Variants in ZBTB7C observed in about 807,000 individuals in gnomAD.
The protein encoded by ZBTB7C is zinc finger and BTB domain-containing protein 7C.
A neutral mutation model predicts 25.7 loss-of-function variants in ZBTB7C; 8 were observed. That is an observed-to-expected ratio of 0.31 (90% CI 0.18 to 0.56). The LOEUF is 0.56. ZBTB7C is among the 20% of genes least tolerant of loss of function. The probability of loss-of-function intolerance (pLI) is 0.91; values close to 1 mark genes in which losing one functional copy is unlikely to be tolerated. For synonymous variants in ZBTB7C, 394 were observed against 369.0 expected (o/e 1.07, Z -0.78); for missense variants, 824 against 855.2 (o/e 0.96, Z 0.46).
chr18:48,077,234 TAA>T (rs2037804727), intron 3 of ZBTB7C, among the ~76,000 whole-genome samples: 1 of 152,062 alleles, frequency 6.6e-6, no homozygotes, highest in Non-Finnish European at 1.5e-5. Context: ...GGAGACCTAA[TAA>T]AAGTCATGGT....
chr18:48,357,842 G>A (rs531038760), intron 1 of ZBTB7C, among the ~76,000 whole-genome samples: 12 of 152,248 alleles, frequency 7.9e-5, no homozygotes, highest in Admixed American at 2.0e-4. Flanking sequence ...CTAAACTAAC[G>A]GCACAGAGTA....
At chr18:48,180,232 CTCCTTCCT>C in intron 3 of ZBTB7C, 1 of 347,900 alleles carries the variant, frequency 2.9e-6, no homozygotes, top group Admixed American at 3.1e-5. Context: ...CTTTCCTTCC[CTCCTTCCT>C]TCCTTCCATC....
intron 3 of ZBTB7C, among the ~76,000 whole-genome samples, chr18:48,049,389 T>C (rs1290076601): frequency 6.6e-6 from 1 of 152,194 alleles, no homozygotes. Context: ...CTTGGGTTAT[T>C]TGGAAGTCCC....
intron 3 of ZBTB7C, among the ~76,000 whole-genome samples, chr18:48,166,709 C>T (rs1336607087): frequency 6.6e-6 from 1 of 152,182 alleles, no homozygotes; most frequent in Non-Finnish European, 1.5e-5. Context: ...CCCAAAGCGT[C>T]CAGGGGCCTG....
intron 3 of ZBTB7C, among the ~76,000 whole-genome samples, chr18:48,182,200 T>TG (rs2041945191): frequency 6.6e-6 from 1 of 152,294 alleles, no homozygotes; most frequent in African/African-American, 2.4e-5. Context: ...CATTGCCTCA[T>TG]GGGGGTGCCA....
Position 48,259,269 on chromosome 18 carries a change from C to A in ZBTB7C, c.-78-73274G>T, listed in dbSNP as rs1210112226. Among the ~76,000 whole-genome samples, 11 of 125,934 alleles carry A rather than the reference C, an allele frequency of 8.7e-5. No individual in the cohort carries two copies. In the East Asian group the frequency reaches 8.8e-4, roughly 10 times the overall value. 82.6% of individuals were successfully genotyped at this position (125,934 alleles called of 152,430 possible). On this transcript the variant is annotated intron_variant, in intron 2 of 4. Coordinates refer to ENST00000590800, the MANE Select transcript of ZBTB7C (RefSeq NM_001318841.2). ...CCAACCACAAACAAATGATTTTTGACAAGAGTGTAAAAGCAATTCAATGGG... is the reference window on the plus strand; with the variant it reads ...CCAACCACAAACAAATGATTTTTGAAAAGAGTGTAAAAGCAATTCAATGGG...
At position 48,027,282 on chromosome 18, in the gene ZBTB7C, G is replaced by A. The variant is rs1270353160; in HGVS notation, c.*1978C>T. 1 of 151,220 alleles carries A rather than the reference G, an allele frequency of 6.6e-6. No homozygotes were observed. Among genetic ancestry groups the A allele is most frequent in the Admixed American group, 6.6e-5 (1 of 15,190 alleles). 9.4% of individuals were successfully genotyped at this position (151,220 alleles called of 1,614,324 possible). ...GAACTAACCAGTCATCTGAAAAATT[G>A]AGTTTATAAGAAGTCATCACCTTTA... On this transcript the variant is annotated 3_prime_UTR_variant, in exon 5 of 5. Coordinates refer to ENST00000590800, the MANE Select transcript of ZBTB7C (RefSeq NM_001318841.2).
rs1262022527 is a variant in ZBTB7C, at chr18:48,054,617, T to G, written c.-16-13494A>C. On this transcript the variant is annotated intron_variant, in intron 3 of 4. Transcript: ENST00000590800. ...TTTCAAAGGAAGCCAAACCTCAGAT[T>G]TGCCTCAGAACTTGTACTTTTCTTC... 2.0e-5 allele frequency among the ~76,000 whole-genome samples: 3 copies of G among 152,202 alleles called. No individual in the cohort carries two copies. In the South Asian group the frequency reaches 6.2e-4, roughly 32 times the overall value.
chr18:48,092,161 C>T (rs1598862252), intron 3 of ZBTB7C, among the ~76,000 whole-genome samples: 1 of 152,198 alleles, frequency 6.6e-6, no homozygotes. Flanking sequence ...AGAGCCCTGG[C>T]GGAAATTACA....
chr18:48,395,264 AATGTGTGTGTGTGTG>A (rs2047995852), intron 1 of ZBTB7C, among the ~76,000 whole-genome samples: 1 of 97,596 alleles, frequency 1.0e-5, no homozygotes, highest in Non-Finnish European at 2.2e-5. Flanking sequence ...AGAGAGAGAG[AATGTGTGTGTGTGTG>A]TGTGTGTGTG....
At chr18:48,234,306 C>A (rs190272457) in intron 2 of ZBTB7C, among the ~76,000 whole-genome samples, 2 of 151,976 alleles carry the variant, frequency 1.3e-5, no homozygotes, top group African/African-American at 4.8e-5. Context: ...TTACAGCCAC[C>A]TAAATACATT....
chr18:48,058,186 A>T (rs1287352398), intron 3 of ZBTB7C, among the ~76,000 whole-genome samples: 1 of 152,240 alleles, frequency 6.6e-6, no homozygotes, highest in Non-Finnish European at 1.5e-5. Context: ...TCTCACATAT[A>T]GTAACTCATT....
At chr18:48,385,340 T>A (rs1361141243) in intron 1 of ZBTB7C, among the ~76,000 whole-genome samples, 2 of 152,244 alleles carry the variant, frequency 1.3e-5, no homozygotes, top group Non-Finnish European at 2.9e-5. Flanking sequence ...TACAATGTCC[T>A]GCAGTGCGTG....
chr18:48,288,420 G>T (rs938625354), intron 2 of ZBTB7C, among the ~76,000 whole-genome samples: 2 of 152,046 alleles, frequency 1.3e-5, no homozygotes, highest in African/African-American at 2.4e-5. Context: ...GGCCAAACCG[G>T]GTGGATCACC....
chr18:48,037,748 T>C (rs1474481239), intron 4 of ZBTB7C, among the ~76,000 whole-genome samples: 4 of 152,178 alleles, frequency 2.6e-5, no homozygotes, highest in African/African-American at 9.6e-5. Flanking sequence ...GTGCTCCTGT[T>C]AGCCATCTGC....
chr18:48,222,994 A>C (rs978716727), intron 2 of ZBTB7C, among the ~76,000 whole-genome samples: 1 of 152,222 alleles, frequency 6.6e-6, no homozygotes, highest in Non-Finnish European at 1.5e-5. Flanking sequence ...CTGAGACAGC[A>C]ACCCCCATGC....
chr18:48,392,992 T>C (rs2047936852), intron 1 of ZBTB7C, among the ~76,000 whole-genome samples: 1 of 152,186 alleles, frequency 6.6e-6, no homozygotes. Flanking sequence ...ATATAGAAGA[T>C]ACTGGCCAGG....
In ZBTB7C at chr18:48,027,693, G is replaced by A; in HGVS notation, c.*1567C>T. 1 of 152,268 alleles carries A rather than the reference G, an allele frequency of 6.6e-6. No homozygotes were observed. Among genetic ancestry groups the A allele is most frequent in the East Asian group, 1.9e-4 (1 of 5,192 alleles). 9.4% of individuals were successfully genotyped at this position (152,268 alleles called of 1,614,324 possible). On this transcript the variant is annotated 3_prime_UTR_variant, in exon 5 of 5. Coordinates refer to ENST00000590800, the MANE Select transcript of ZBTB7C (RefSeq NM_001318841.2). ...TGCTCAGGAAAAAGCCAAGGCAACA[G>A]GAAGAGCTGAAGTCTCTTTGTGCCC... is the stretch of plus-strand genomic sequence containing the variant.
At chr18:48,156,925 T>C (rs1053052939) in intron 3 of ZBTB7C, among the ~76,000 whole-genome samples, 1 of 152,116 alleles carries the variant, frequency 6.6e-6, no homozygotes, top group Non-Finnish European at 1.5e-5. Flanking sequence ...TGGCTGCAGT[T>C]TGAAAGGCAG....
Sources: allele counts gnomAD v4.1 joint callset (sites outside exome capture counted in the v4.1 genomes callset), GRCh38; gene constraint gnomAD v4.1.1; transcripts MANE v1.5; gene names NCBI Gene and HGNC (gene_info 2026-07-23, HGNC 2026-07-21).